Variants in FBXO8 observed in about 807,000 individuals in gnomAD.
FBXO8 encodes F-box protein 8, also known as F-box only protein 8.
FBXO8 carries 15 observed loss-of-function variants against 33.4 expected under a neutral mutation model. The observed-to-expected ratio is 0.45, with a 90% CI of 0.30 to 0.69. The LOEUF (loss-of-function observed/expected upper bound fraction) is 0.69, where lower values mean the gene tolerates loss of function less well. Ranked by LOEUF, FBXO8 falls within the 30% of genes least tolerant of loss-of-function variation. The pLI is 0.08. For synonymous variants in FBXO8, 132 were observed against 131.5 expected (o/e 1.00, Z -0.02); for missense variants, 274 against 380.3 (o/e 0.72, Z 2.32).
rs1227093095 is a variant in FBXO8 at position 174,275,227 on chromosome 4, G to C, written c.-9+8183C>G. Among the ~76,000 whole-genome samples the C allele has an allele frequency of 6.6e-6, 1 of 152,144 alleles. No individual in the cohort carries two copies. Among genetic ancestry groups the C allele is most frequent in the African/African-American group, 2.4e-5 (1 of 41,424 alleles). On this transcript the variant is annotated intron_variant, in intron 1 of 5. Coordinates refer to ENST00000393674, the MANE Select transcript of FBXO8 (RefSeq NM_012180.3). This position sits in a 1 kb window ranked among gnomAD's most constrained non-coding sequence, Gnocchi z 4.4. Reference sequence around the variant, plus strand: ...ACATCATTAGCCAGGAGAGAGGTGCGTACGGTTATAAAAGCACAGTGTGAG... The same window carrying C: ...ACATCATTAGCCAGGAGAGAGGTGCCTACGGTTATAAAAGCACAGTGTGAG...
chr4:174,243,389 G>C (rs989431879), intron 3 of FBXO8, among the ~76,000 whole-genome samples: 4 of 151,054 alleles, frequency 2.6e-5, no homozygotes, highest in Non-Finnish European at 4.5e-5. Flanking sequence ...TACTTTAGAA[G>C]GGCTACCAAA....
rs148104303 is a variant in FBXO8 at position 174,238,331 on chromosome 4, G to A, written c.772+663C>T. Among the ~76,000 whole-genome samples the A allele has an allele frequency of 3.6e-3, 539 of 151,828 alleles. 3 individuals carry two copies. The highest frequency in any genetic ancestry group is 0.017 in the Middle Eastern group (5 of 294). On this transcript the variant is annotated intron_variant, in intron 5 of 5. Coordinates refer to ENST00000393674, the MANE Select transcript of FBXO8 (RefSeq NM_012180.3). ...TCTACTACTATAGTGCTGATATTTCGGAATCCTGCAGTCTTAAGAAAGCCA... is the reference window on the plus strand; with the variant it reads ...TCTACTACTATAGTGCTGATATTTCAGAATCCTGCAGTCTTAAGAAAGCCA...
At chr4:174,282,259 G>A (rs1579043425) in intron 1 of FBXO8, among the ~76,000 whole-genome samples, 1 of 152,222 alleles carries the variant, frequency 6.6e-6, no homozygotes. Flanking sequence ...ATATTTTGTG[G>A]ATGGAAGTAA....
chr4:174,283,014 T>A lies in FBXO8; in HGVS notation c.-9+396A>T, dbSNP rs758020430. Among the ~76,000 whole-genome samples, 1 of 152,314 alleles carries A rather than the reference T, an allele frequency of 6.6e-6. No individual in the cohort carries two copies. The highest frequency in any genetic ancestry group is 2.4e-5 in the African/African-American group (1 of 41,570). ...ATACTTGTGTTTGCATTCATATTAC[T>A]GGAAAGTGGTAAAGAACCAAAAACT... is the stretch of plus-strand genomic sequence containing the variant. On this transcript the variant is annotated intron_variant, in intron 1 of 5. Coordinates refer to ENST00000393674, the MANE Select transcript of FBXO8 (RefSeq NM_012180.3). The surrounding 1 kb of genome is among the most constrained non-coding windows in gnomAD (Gnocchi z 6.7).
intron 1 of FBXO8, among the ~76,000 whole-genome samples, chr4:174,266,505 G>T (rs897261023): frequency 1.3e-5 from 2 of 152,136 alleles, no homozygotes; most frequent in African/African-American, 4.8e-5. Context: ...AGTCTGTAGC[G>T]TTCTGCCCCC....
intron 1 of FBXO8, chr4:174,269,039 C>T (rs1736769589): frequency 6.6e-6 from 1 of 152,188 alleles, no homozygotes; most frequent in South Asian, 2.1e-4. Context: ...TAATACAATT[C>T]AAGGTGTCCC....
At chr4:174,244,020 G>A (rs2126416730) in intron 3 of FBXO8, among the ~76,000 whole-genome samples, 1 of 151,636 alleles carries the variant, frequency 6.6e-6, no homozygotes, top group Middle Eastern at 3.4e-3. Flanking sequence ...GGACATAGGA[G>A]TATTAGGCCA....
At chr4:174,242,624 T>C (rs1736065423) in intron 3 of FBXO8, among the ~76,000 whole-genome samples, 1 of 151,608 alleles carries the variant, frequency 6.6e-6, no homozygotes, top group Non-Finnish European at 1.5e-5. Flanking sequence ...GTAACCTGTA[T>C]TTCAGACTAA....
At chr4:174,282,437 T>C (rs1228160826) in intron 1 of FBXO8, among the ~76,000 whole-genome samples, 1 of 152,208 alleles carries the variant, frequency 6.6e-6, no homozygotes, top group African/African-American at 2.4e-5. Context: ...ACTAATGAAG[T>C]ACCTCATCAG....
At chr4:174,240,079 CAG>C (rs1735992940) in intron 4 of FBXO8, among the ~76,000 whole-genome samples, 1 of 139,054 alleles carries the variant, frequency 7.2e-6, no homozygotes, top group Non-Finnish European at 1.5e-5. Flanking sequence ...CACAGAATGG[CAG>C]AGTTTTAAGT....
chr4:174,259,618 C>A lies in FBXO8; in HGVS notation c.456+81G>T. 2 of 1,517,082 alleles carry A rather than the reference C, an allele frequency of 1.3e-6. No individual in the cohort carries two copies. The highest frequency in any genetic ancestry group is 1.8e-6 in the Non-Finnish European group (2 of 1,129,150). The allele number at this position is 1,517,082 out of a possible 1,614,324, so 94.0% of individuals were successfully genotyped here. A position where few individuals can be genotyped will look rare whatever the true frequency, so the allele number is the denominator to read the frequency against. On this transcript the variant is annotated intron_variant, in intron 3 of 5. Coordinates refer to ENST00000393674, the MANE Select transcript of FBXO8 (RefSeq NM_012180.3). The surrounding 1 kb of genome is among the most constrained non-coding windows in gnomAD (Gnocchi z 4.3). Reference sequence around the variant, plus strand: ...CATGTTCAATGACTTTTTGTTTTCCCTGCTAGTTTATGATATTGGAAAGCT... The same window carrying A: ...CATGTTCAATGACTTTTTGTTTTCCATGCTAGTTTATGATATTGGAAAGCT...
rs1342882592 is a variant in FBXO8 at position 174,247,622 on chromosome 4, AAACT to A, written c.457-6408_457-6405del. Among the ~76,000 whole-genome samples, 1 of 152,112 alleles carries A rather than the reference AAACT, an allele frequency of 6.6e-6. No individual in the cohort carries two copies. Among genetic ancestry groups the A allele is most frequent in the Non-Finnish European group, 1.5e-5 (1 of 67,986 alleles). ...TCAAGTATACATTTTAACCACAGTG[AAACT>A]AACTGAATATATTATTTTTCAAGTA... On this transcript the variant is annotated intron_variant, in intron 3 of 5. Coordinates refer to ENST00000393674, the MANE Select transcript of FBXO8 (RefSeq NM_012180.3). The surrounding 1 kb of genome is among the most constrained non-coding windows in gnomAD (Gnocchi z 4.6).
rs527884726 is a variant in FBXO8 at position 174,277,460 on chromosome 4, C to T, written c.-9+5950G>A. Among the ~76,000 whole-genome samples, 1 of 152,126 alleles carries T rather than the reference C, an allele frequency of 6.6e-6. No homozygotes were observed. Among genetic ancestry groups the T allele is most frequent in the Non-Finnish European group, 1.5e-5 (1 of 67,978 alleles). Reference sequence around the variant, plus strand: ...GCACTAAGCACTCAAATGGCACATGCTGTGCAGACAATAAGTAATGAAGAA... The same window carrying T: ...GCACTAAGCACTCAAATGGCACATGTTGTGCAGACAATAAGTAATGAAGAA... On this transcript the variant is annotated intron_variant, in intron 1 of 5. Transcript: ENST00000393674. The surrounding 1 kb of genome is among the most constrained non-coding windows in gnomAD (Gnocchi z 4.9).
At chr4:174,266,451 G>A (rs1369515226) in intron 1 of FBXO8, among the ~76,000 whole-genome samples, 1 of 152,180 alleles carries the variant, frequency 6.6e-6, no homozygotes, top group Non-Finnish European at 1.5e-5. Flanking sequence ...AGCACTCTGA[G>A]AAAGAGTAAC....
chr4:174,273,142 A>G (rs1736876549), intron 1 of FBXO8, among the ~76,000 whole-genome samples: 2 of 151,726 alleles, frequency 1.3e-5, no homozygotes, highest in South Asian at 4.1e-4. Flanking sequence ...TAAAAATTAG[A>G]TGAGTGTGGT....
Position 174,259,783 on chromosome 4 carries a change from C to A in FBXO8, c.372G>T (p.Lys124Asn), listed in dbSNP as rs752151901. The A allele has an allele frequency of 6.2e-7, 1 of 1,611,574 alleles. No homozygotes were observed. The highest frequency in any genetic ancestry group is 1.1e-5 in the South Asian group (1 of 90,796). ...TAAAAGAAAATCCTAAAGGTGGGTT[C>A]TTATTGTATATGGAACAGTGACCCC... ...STWGHCSIYN[K>N]NPPLGFSFRK... The change falls in exon 3 of 6, where the codon AAG becomes AAT. Residue 124 changes from lysine (K) to asparagine (N), a missense_variant. By Grantham distance (94) the Lys-to-Asn change is moderately conservative. This residue lies in a region of FBXO8 where 186 missense variants were observed against 293.4 expected (regional missense o/e 0.63). Transcript: ENST00000393674. The surrounding 1 kb of genome is among the most constrained non-coding windows in gnomAD (Gnocchi z 4.3).
Position 174,267,498 on chromosome 4 carries a change from G to A in FBXO8, c.-8-4398C>T, listed in dbSNP as rs145559537. 3.5e-3 allele frequency among the ~76,000 whole-genome samples: 538 copies of A among 152,258 alleles called. 2 individuals are homozygous for A. The highest frequency in any genetic ancestry group is 0.014 in the Middle Eastern group (4 of 294). On this transcript the variant is annotated intron_variant, in intron 1 of 5. Coordinates refer to ENST00000393674, the MANE Select transcript of FBXO8 (RefSeq NM_012180.3). This position sits in a 1 kb window ranked among gnomAD's most constrained non-coding sequence, Gnocchi z 4.7. ...GGAGTTTGAGGTTATAGTGAGCTAT[G>A]ATCACACCACTGCACTCCAGCCTGA...
Position 174,277,053 on chromosome 4 carries a change from T to A in FBXO8, c.-9+6357A>T, listed in dbSNP as rs568932122. On this transcript the variant is annotated intron_variant, in intron 1 of 5. Transcript: ENST00000393674. This position sits in a 1 kb window ranked among gnomAD's most constrained non-coding sequence, Gnocchi z 4.9. ...ATGTATTTTTTTTAAAGTAGCAGTT[T>A]TAGTCTAACCAAGTCTGTTACAACA... Among the ~76,000 whole-genome samples, 2 of 152,324 alleles carry A rather than the reference T, an allele frequency of 1.3e-5. No homozygotes were observed. The highest frequency in any genetic ancestry group is 3.9e-4 in the East Asian group (2 of 5,182).
chr4:174,266,504 C>T (rs532378260), intron 1 of FBXO8, among the ~76,000 whole-genome samples: 15 of 152,258 alleles, frequency 9.9e-5, no homozygotes, highest in African/African-American at 1.9e-4. Context: ...GAGTCTGTAG[C>T]GTTCTGCCCC....
Sources: gnomAD v4.1 joint callset for allele counts (sites outside exome capture counted in the v4.1 genomes callset) on GRCh38, gnomAD v4.1.1 for gene constraint, gnomAD v4.1.1 regional missense constraint, Gnocchi (gnomAD v3.1) non-coding constraint, MANE v1.5 for transcripts, NCBI Gene and HGNC (gene_info 2026-07-23, HGNC 2026-07-21) for gene names.